The following RGS7 variants were observed in gnomAD, a reference collection of about 807,000 sequenced individuals.
The protein encoded by RGS7 is regulator of G-protein signaling 7.
Under a neutral mutation model 81.1 loss-of-function variants are expected in RGS7, and 27 were observed. That is an observed-to-expected ratio of 0.33 (90% CI 0.25 to 0.46). RGS7 has a LOEUF of 0.46. Among genes scored for constraint, RGS7 ranks in the 20% least tolerant of loss-of-function variants. RGS7 has a pLI of 1.00. For missense variants in RGS7, 396 were observed against 607.4 expected (o/e 0.65, Z 3.66); for synonymous variants, 208 against 207.7 (o/e 1.00, Z -0.01).
At chr1:240,783,319 A>T (rs377064804) in intron 18 of RGS7, among the ~76,000 whole-genome samples, 3 of 152,254 alleles carry the variant, frequency 2.0e-5, no homozygotes, top group African/African-American at 7.2e-5. Context: ...ATTTTAACTG[A>T]CTTTAAAAAC....
At chr1:241,250,799 A>T (rs890831130) in intron 2 of RGS7, among the ~76,000 whole-genome samples, 20 of 152,242 alleles carry the variant, frequency 1.3e-4, no homozygotes, top group Non-Finnish European at 2.6e-4. Context: ...AAACCAAGAA[A>T]TATTGGTACC....
intron 9 of RGS7, among the ~76,000 whole-genome samples, chr1:240,851,400 T>G (rs1458393601): frequency 1.3e-5 from 2 of 152,222 alleles, no homozygotes; most frequent in East Asian, 1.9e-4. Flanking sequence ...AAAGGATTCC[T>G]TTCAAAATAT....
chr1:241,153,411 C>T (rs1405670274), intron 2 of RGS7, among the ~76,000 whole-genome samples: 1 of 151,246 alleles, frequency 6.6e-6, no homozygotes, highest in Non-Finnish European at 1.5e-5. Flanking sequence ...AGGCGCTGAA[C>T]AATTTGGTGA....
At chr1:240,947,364 G>A (rs1678812885) in intron 4 of RGS7, among the ~76,000 whole-genome samples, 1 of 152,040 alleles carries the variant, frequency 6.6e-6, no homozygotes, top group East Asian at 1.9e-4. Flanking sequence ...ACATCTCCAC[G>A]TGAATATTGA....
At chr1:241,040,112 C>T (rs1413295311) in intron 3 of RGS7, among the ~76,000 whole-genome samples, 1 of 152,192 alleles carries the variant, frequency 6.6e-6, no homozygotes, top group East Asian at 1.9e-4. Context: ...GACAGTTTTT[C>T]CCTGCAGGAA....
At chr1:240,871,771 G>T (rs1399273886) in intron 6 of RGS7, among the ~76,000 whole-genome samples, 1 of 152,214 alleles carries the variant, frequency 6.6e-6, no homozygotes, top group African/African-American at 2.4e-5. Context: ...CCCTGAGGGT[G>T]TCTCTTCATG....
intron 2 of RGS7, among the ~76,000 whole-genome samples, chr1:241,236,115 A>G (rs1207620770): frequency 6.6e-6 from 1 of 152,116 alleles, no homozygotes; most frequent in Non-Finnish European, 1.5e-5. Context: ...TACTTAAGAG[A>G]AAGTTACCAA....
intron 2 of RGS7, among the ~76,000 whole-genome samples, chr1:241,296,859 C>A (rs1237719759): frequency 6.6e-6 from 1 of 152,106 alleles, no homozygotes; most frequent in African/African-American, 2.4e-5. Flanking sequence ...GCAGGAGACA[C>A]AAATTCATTC....
At chr1:241,157,821 C>CTTTTTTTTTTTTTTT (rs67249227) in intron 2 of RGS7, among the ~76,000 whole-genome samples, 2 of 94,712 alleles carry the variant, frequency 2.1e-5, no homozygotes, top group Non-Finnish European at 4.5e-5. Context: ...CTTTTCTTTT[C>CTTTTTTTTTTTTTTT]TTTTTTTTTT....
At chr1:241,111,452 T>C (rs1253286663) in intron 2 of RGS7, among the ~76,000 whole-genome samples, 1 of 152,180 alleles carries the variant, frequency 6.6e-6, no homozygotes, top group Non-Finnish European at 1.5e-5. Flanking sequence ...CACATCCTTC[T>C]ACAATTGTCT....
intron 2 of RGS7, among the ~76,000 whole-genome samples, chr1:241,294,384 C>T (rs1049326984): frequency 6.6e-6 from 1 of 152,100 alleles, no homozygotes; most frequent in African/African-American, 2.4e-5. Flanking sequence ...CACATGTATA[C>T]TTATGTAACA....
intron 6 of RGS7, among the ~76,000 whole-genome samples, chr1:240,875,601 C>T (rs1665267829): frequency 1.3e-5 from 2 of 152,144 alleles, no homozygotes; most frequent in African/African-American, 4.8e-5. Context: ...ATTTGAGGAA[C>T]TTCTGTACAG....
intron 2 of RGS7, among the ~76,000 whole-genome samples, chr1:241,282,041 A>G (rs1047328299): frequency 1.3e-5 from 2 of 152,160 alleles, no homozygotes; most frequent in African/African-American, 4.8e-5. Flanking sequence ...AGTCTGTTAC[A>G]TCGATAAATT....
intron 2 of RGS7, among the ~76,000 whole-genome samples, chr1:241,339,125 G>A (rs185582293): frequency 9.1e-4 from 139 of 152,250 alleles, no homozygotes; most frequent in African/African-American, 3.2e-3. Context: ...ACTTATAAGT[G>A]AGAACATGCA....
chr1:241,323,461 CA>C, intron 2 of RGS7, among the ~76,000 whole-genome samples: 1 of 152,226 alleles, frequency 6.6e-6, no homozygotes, highest in East Asian at 1.9e-4. Context: ...AGTAAATCTT[CA>C]GTCAGAATCA....
chr1:241,132,903 C>T (rs1034211408), intron 2 of RGS7, among the ~76,000 whole-genome samples: 4 of 152,080 alleles, frequency 2.6e-5, no homozygotes, highest in Non-Finnish European at 1.5e-5. Flanking sequence ...GCTGGGATTA[C>T]AGGTGCCCAC....
chr1:241,331,096 C>T (rs1448605785), intron 2 of RGS7, among the ~76,000 whole-genome samples: 1 of 152,058 alleles, frequency 6.6e-6, no homozygotes, highest in Non-Finnish European at 1.5e-5. Context: ...TGTCAAAAGC[C>T]AACTAAAGAG....
At chr1:241,307,553 A>G (rs1407731401) in intron 2 of RGS7, among the ~76,000 whole-genome samples, 2 of 152,234 alleles carry the variant, frequency 1.3e-5, no homozygotes, top group African/African-American at 2.4e-5. Context: ...ATACACAGGT[A>G]TCCTTTAGAA....
intron 2 of RGS7, among the ~76,000 whole-genome samples, chr1:241,277,106 T>C (rs1470332769): frequency 6.6e-6 from 1 of 152,224 alleles, no homozygotes; most frequent in Non-Finnish European, 1.5e-5. Context: ...TTAGCGTTGC[T>C]ACATTTTTAA....
Sources: allele counts gnomAD v4.1 joint callset (sites outside exome capture counted in the v4.1 genomes callset), GRCh38; gene constraint gnomAD v4.1.1; transcripts MANE v1.5; gene names NCBI Gene and HGNC (gene_info 2026-07-23, HGNC 2026-07-21).